Variants in PGPEP1L observed in about 807,000 individuals in gnomAD.
PGPEP1L encodes the protein pyroglutamyl-peptidase I like.
PGPEP1L carries 7 observed loss-of-function variants against 6.0 expected under a neutral mutation model. The ratio of observed to expected loss-of-function variants is 1.17; its 90% CI spans 0.66 to 2.19. The LOEUF (loss-of-function observed/expected upper bound fraction) is 2.19. Ranked by LOEUF, PGPEP1L falls within the 30% of genes most tolerant of loss-of-function variation. PGPEP1L has a pLI of 0.00. For missense variants in PGPEP1L, 209 were observed against 192.5 expected (o/e 1.09, Z -0.51); for synonymous variants, 103 against 83.9 (o/e 1.23, Z -1.24).
chr15:98,998,280 C>T (rs1473435294), intron 2 of PGPEP1L: 2 of 152,462 alleles, frequency 1.3e-5, no homozygotes, highest in African/African-American at 4.8e-5. Context: ...GCTCCTCAGA[C>T]CATCTTGGGC....
At chr15:99,000,804 G>A (rs1325873848) in intron 2 of PGPEP1L, among the ~76,000 whole-genome samples, 2 of 152,122 alleles carry the variant, frequency 1.3e-5, no homozygotes, top group South Asian at 2.1e-4. Flanking sequence ...GGCCAGATAA[G>A]AGAAAAAAAA....
intron 2 of PGPEP1L, among the ~76,000 whole-genome samples, chr15:99,004,664 G>T (rs1172535366): frequency 6.6e-6 from 1 of 152,190 alleles, no homozygotes; most frequent in Admixed American, 6.5e-5. Flanking sequence ...GCTGCAGTGA[G>T]CTGAGCTTAC....
intron 2 of PGPEP1L, among the ~76,000 whole-genome samples, chr15:98,983,113 A>G (rs2017691817): frequency 6.6e-6 from 1 of 151,640 alleles, no homozygotes; most frequent in Non-Finnish European, 1.5e-5. Context: ...GGTTGGAAAA[A>G]GGTTTTGTCC....
intron 2 of PGPEP1L, among the ~76,000 whole-genome samples, chr15:99,003,628 T>A (rs1555473313): frequency 1.3e-5 from 2 of 151,732 alleles, no homozygotes; most frequent in African/African-American, 4.9e-5. Context: ...ACGAAGCAAA[T>A]CCAATTAAAT....
chr15:98,972,872 CAAAAAAAAAA>C (rs58126997), intron 2 of PGPEP1L, among the ~76,000 whole-genome samples: 54 of 45,686 alleles, frequency 1.2e-3, no homozygotes, highest in South Asian at 3.0e-3. Flanking sequence ...GACTCCGTCT[CAAAAAAAAAA>C]AAAAAAAAAA....
intron 2 of PGPEP1L, among the ~76,000 whole-genome samples, chr15:98,975,343 G>C (rs2017552715): frequency 6.6e-6 from 1 of 152,190 alleles, no homozygotes; most frequent in Non-Finnish European, 1.5e-5. Flanking sequence ...AGGGAAGTAT[G>C]AAAAGAGGTT....
intron 2 of PGPEP1L, among the ~76,000 whole-genome samples, chr15:98,989,630 A>ACAC (rs2017792850): frequency 6.6e-6 from 1 of 152,132 alleles, no homozygotes. Context: ...AATATAGAGA[A>ACAC]CACCACAAAG....
At chr15:99,002,360 G>A (rs2017985075) in intron 2 of PGPEP1L, among the ~76,000 whole-genome samples, 1 of 152,282 alleles carries the variant, frequency 6.6e-6, no homozygotes. Context: ...GTTGCCAGGT[G>A]TTTGAGATGG....
At position 98,986,410 on chromosome 15, in the gene PGPEP1L, T is replaced by C. The variant is rs191518409; in HGVS notation, c.-141-15252A>G. Reference sequence around the variant, plus strand: ...TCATGTCTACATAAGGAATCTCCAATAAAAACTCTGGATACCAAAGCTAAG... The same window carrying C: ...TCATGTCTACATAAGGAATCTCCAACAAAAACTCTGGATACCAAAGCTAAG... On this transcript the variant is annotated intron_variant, in intron 2 of 4. Coordinates refer to ENST00000535714, the MANE Select transcript of PGPEP1L (RefSeq NM_001167902.2). Among the ~76,000 whole-genome samples, 731 of 152,322 alleles carry C rather than the reference T, an allele frequency of 4.8e-3. 7 individuals carry two copies. Among genetic ancestry groups the C allele is most frequent in the South Asian group, 0.039 (190 of 4,832 alleles).
intron 2 of PGPEP1L, chr15:99,001,183 TCAC>T (rs1210289372): frequency 1.8e-5 from 8 of 437,780 alleles, no homozygotes; most frequent in African/African-American, 4.1e-5. Flanking sequence ...ACTGTAACAC[TCAC>T]CACGAGAGTC....
At chr15:99,001,520 C>A (rs1239486484) in intron 2 of PGPEP1L, among the ~76,000 whole-genome samples, 1 of 152,078 alleles carries the variant, frequency 6.6e-6, no homozygotes, top group Non-Finnish European at 1.5e-5. Context: ...TATACTGAGC[C>A]ACTGAATGTT....
At chr15:98,982,214 A>T (rs2017674617) in intron 2 of PGPEP1L, among the ~76,000 whole-genome samples, 1 of 152,146 alleles carries the variant, frequency 6.6e-6, no homozygotes, top group South Asian at 2.1e-4. Flanking sequence ...GGTCTCCTCC[A>T]CCAAGGTGTG....
intron 2 of PGPEP1L, among the ~76,000 whole-genome samples, chr15:98,978,731 T>A (rs58101959): frequency 0.019 from 957 of 49,382 alleles, 1 homozygote; most frequent in South Asian, 0.053. Context: ...TATATATTTT[T>A]TTTTTTTTTT....
rs2017441954 is a variant in PGPEP1L, at chr15:98,968,678, A to G, written c.229T>C (p.Tyr77His). Residue 77 changes from tyrosine (Y) to histidine (H), a missense_variant, in exon 5 of 5, where the codon TAT (tyrosine) becomes CAT (histidine). Physicochemically the swap from Tyr to His is moderately conservative, Grantham distance 83. Coordinates refer to ENST00000535714, the MANE Select transcript of PGPEP1L (RefSeq NM_001167902.2). ...TTTCCATGATGCAGAGACAGGTAATAGGTATAATCACAGACGTATCTGCAA... is the reference window on the plus strand; with the variant it reads ...TTTCCATGATGCAGAGACAGGTAATGGGTATAATCACAGACGTATCTGCAA... ...DAGRYVCDYTYYLSLHHGKGC... is the reference protein window; with the variant it reads ...DAGRYVCDYTHYLSLHHGKGC... 1 of 1,574,396 alleles carries G rather than the reference A, an allele frequency of 6.4e-7. No individual in the cohort carries two copies. Among genetic ancestry groups the G allele is most frequent in the African/African-American group, 1.3e-5 (1 of 74,236 alleles).
At chr15:99,002,806 A>C (rs1469881555) in intron 2 of PGPEP1L, among the ~76,000 whole-genome samples, 1 of 150,706 alleles carries the variant, frequency 6.6e-6, no homozygotes, top group Admixed American at 6.6e-5. Context: ...TGAGGTTTTC[A>C]GTTCCACCTC....
At chr15:98,995,503 G>A (rs911267984) in intron 2 of PGPEP1L, among the ~76,000 whole-genome samples, 1 of 152,172 alleles carries the variant, frequency 6.6e-6, no homozygotes, top group Admixed American at 6.6e-5. Flanking sequence ...TTCGAGACCA[G>A]CCTGGCCAAC....
At chr15:98,973,619 T>A (rs2017528477) in intron 2 of PGPEP1L, among the ~76,000 whole-genome samples, 1 of 152,086 alleles carries the variant, frequency 6.6e-6, no homozygotes, top group African/African-American at 2.4e-5. Flanking sequence ...AATGAGCCAG[T>A]GAAGAAATTA....
chr15:99,007,085 T>C (rs2018082258), intron 1 of PGPEP1L, among the ~76,000 whole-genome samples: 1 of 152,178 alleles, frequency 6.6e-6, no homozygotes, highest in African/African-American at 2.4e-5. Flanking sequence ...CTTTCTGGGA[T>C]TCTGAACCAG....
Position 99,007,547 on chromosome 15 carries a change from G to A in PGPEP1L, c.-558C>T, listed in dbSNP as rs1205798771. 1 of 152,116 alleles carries A rather than the reference G, an allele frequency of 6.6e-6. No individual in the cohort carries two copies. The highest frequency in any genetic ancestry group is 1.5e-5 in the Non-Finnish European group (1 of 68,044). 9.4% of individuals were successfully genotyped at this position (152,116 alleles called of 1,614,324 possible). The stretch of plus-strand genomic sequence containing the variant: ...CAGATTCGTGATCTCGCTGACTTCA[G>A]GAGTGAAGCTACGGACCTTCATCAT... On this transcript the variant is annotated 5_prime_UTR_variant, in exon 1 of 5. Transcript: ENST00000535714.
Sources: allele counts gnomAD v4.1 joint callset (sites outside exome capture counted in the v4.1 genomes callset), GRCh38; gene constraint gnomAD v4.1.1; transcripts MANE v1.5; gene names NCBI Gene and HGNC (gene_info 2026-07-23, HGNC 2026-07-21).